Variants in PGAP4 observed in about 807,000 individuals in gnomAD.
PGAP4 encodes the protein post-GPI attachment to proteins GalNAc transferase 4.
Under a neutral mutation model 28.2 loss-of-function variants are expected in PGAP4, and 12 were observed. The observed-to-expected ratio is 0.42, with a 90% CI of 0.27 to 0.69. The LOEUF is 0.69. Ranked by LOEUF, PGAP4 falls within the 30% of genes least tolerant of loss-of-function variation. The probability of loss-of-function intolerance (pLI) is 0.22; values close to 1 mark genes in which losing one functional copy is unlikely to be tolerated. For missense variants in PGAP4, 425 were observed against 513.5 expected (o/e 0.83, Z 1.67); for synonymous variants, 205 against 211.8 (o/e 0.97, Z 0.28).
Position 101,476,479 on chromosome 9 carries a change from T to C in PGAP4, c.614A>G (p.Asp205Gly), listed in dbSNP as rs950407281. The C allele has an allele frequency of 6.2e-7, 1 of 1,614,108 alleles. No homozygotes were observed. The highest frequency in any genetic ancestry group is 8.5e-7 in the Non-Finnish European group (1 of 1,180,014). ...LESSLQTYNP[D>G]YVLMVEDDAV... Reference sequence around the variant, plus strand: ...ATCGTCTTCTACCATCAGGACGTAGTCTGGGTTGTAGGTCTGCAGGGATGA... The same window carrying C: ...ATCGTCTTCTACCATCAGGACGTAGCCTGGGTTGTAGGTCTGCAGGGATGA... Residue 205 changes from aspartate (D) to glycine (G), a missense_variant, in exon 2 of 2, where the codon GAC (aspartate) becomes GGC (glycine). Transcript: ENST00000374848. The surrounding 1 kb of genome is among the most constrained non-coding windows in gnomAD (Gnocchi z 7.0).
intron 2 of PGAP4, among the ~76,000 whole-genome samples, chr9:101,505,215 AT>A (rs199562186): frequency 0.042 from 6,236 of 149,730 alleles, 202 homozygotes; most frequent in East Asian, 0.1. Flanking sequence ...CAAAAGTGGC[AT>A]TTTTTTTTTA....
Position 101,474,258 on chromosome 9 carries a change from C to T in PGAP4, c.*1623G>A, listed in dbSNP as rs192404510. ...TCATCTGTAGAGCGTGGGTGATCAA[C>T]CTTTATGTAATCCTTCTGTGTTGAG... is the stretch of plus-strand genomic sequence containing the variant. On this transcript the variant is annotated 3_prime_UTR_variant, in exon 2 of 2. Transcript: ENST00000374848. 1.3e-5 allele frequency: 2 copies of T among 152,102 alleles called. No homozygotes were observed. Among genetic ancestry groups the T allele is most frequent in the Non-Finnish European group, 2.9e-5 (2 of 68,030 alleles). 9.4% of individuals were successfully genotyped at this position (152,102 alleles called of 1,614,324 possible).
At chr9:101,485,588 A>G (rs933678530) in intron 1 of PGAP4, among the ~76,000 whole-genome samples, 2 of 152,202 alleles carry the variant, frequency 1.3e-5, no homozygotes, top group Non-Finnish European at 2.9e-5. Context: ...ACAGAAATGC[A>G]AAAGGCTACT....
At chr9:101,518,855 T>G (rs1826962316) in intron 2 of PGAP4, among the ~76,000 whole-genome samples, 1 of 152,232 alleles carries the variant, frequency 6.6e-6, no homozygotes, top group African/African-American at 2.4e-5. Context: ...GATCAAATAG[T>G]AGTTCTACTT....
chr9:101,476,656 A>C lies in PGAP4; in HGVS notation c.437T>G (p.Val146Gly). The C allele has an allele frequency of 6.2e-7, 1 of 1,614,220 alleles. No individual in the cohort carries two copies. The highest frequency in any genetic ancestry group is 1.1e-5 in the South Asian group (1 of 91,088). The change falls in exon 2 of 2, where the codon GTG becomes GGG. Residue 146 changes from valine to glycine, a missense_variant. Transcript: ENST00000374848. The surrounding 1 kb of genome is among the most constrained non-coding windows in gnomAD (Gnocchi z 7.0). ...CEGHQLFLCN[V>G]ERSVSHFDAK... ...ATCAAAATGGCTCACACTACGCTCCACGTTGCACAGGAAGAGTTGGTGCCC... is the reference window on the plus strand; with the variant it reads ...ATCAAAATGGCTCACACTACGCTCCCCGTTGCACAGGAAGAGTTGGTGCCC...
At chr9:101,499,245 C>G (rs1251237349) in intron 2 of PGAP4, among the ~76,000 whole-genome samples, 4 of 151,928 alleles carry the variant, frequency 2.6e-5, no homozygotes, top group African/African-American at 9.7e-5. Flanking sequence ...AGGCTCAGCT[C>G]ATAAGGGCCA....
rs1340384308 is a variant in PGAP4 at position 101,478,828 on chromosome 9, T to G, written c.-77-1659A>C. On this transcript the variant is annotated intron_variant, in intron 1 of 1. Transcript: ENST00000374848. ...CCCACCTCCCAGTACCCTCCCAAAC[T>G]AGAGTGGACTGTGTTGTGAGCAATA... Among the ~76,000 whole-genome samples the G allele has an allele frequency of 1.3e-5, 2 of 152,308 alleles. 1 individual carries two copies. The highest frequency in any genetic ancestry group is 4.1e-4 in the South Asian group (2 of 4,830).
In PGAP4 at chr9:101,477,158, C is replaced by T; in HGVS notation, c.-66G>A. The stretch of plus-strand genomic sequence containing the variant: ...ATCCTGGAACTCAGGCCAGAGTCAT[C>T]AGAAATCAAACCTAAAGAGAGAGGA... On this transcript the variant is annotated 5_prime_UTR_variant, in exon 2 of 2. Coordinates refer to ENST00000374848, the MANE Select transcript of PGAP4 (RefSeq NM_032342.3). The T allele has an allele frequency of 2.7e-6, 4 of 1,483,978 alleles. No individual in the cohort carries two copies. The South Asian group carries it at 4.3e-5, about 16-fold the overall frequency. 91.9% of individuals were successfully genotyped at this position (1,483,978 alleles called of 1,614,324 possible).
intron 2 of PGAP4, among the ~76,000 whole-genome samples, chr9:101,507,339 G>C (rs1051411891): frequency 6.6e-6 from 1 of 152,088 alleles, no homozygotes; most frequent in Non-Finnish European, 1.5e-5. Flanking sequence ...ATCAGATACT[G>C]TTCACTATTT....
chr9:101,510,776 G>A (rs1826890561), intron 2 of PGAP4, among the ~76,000 whole-genome samples: 2 of 152,092 alleles, frequency 1.3e-5, no homozygotes, highest in African/African-American at 2.4e-5. Context: ...CAGCAGTGAT[G>A]AATAAAATAA....
upstream of PGAP4, among the ~76,000 whole-genome samples, chr9:101,487,589 G>GT (rs1826645130): frequency 6.6e-6 from 1 of 152,198 alleles, no homozygotes; most frequent in Non-Finnish European, 1.5e-5. Flanking sequence ...CAAAAGAAAA[G>GT]TAACAGCCTC....
chr9:101,513,216 C>T (rs147149317), intron 2 of PGAP4, among the ~76,000 whole-genome samples: 152 of 152,112 alleles, frequency 1.0e-3, no homozygotes, highest in African/African-American at 2.9e-3. Flanking sequence ...CTTCATTGTC[C>T]GCAATGAAGT....
intron 2 of PGAP4, among the ~76,000 whole-genome samples, chr9:101,496,296 T>C (rs1826746984): frequency 6.6e-6 from 1 of 151,402 alleles, no homozygotes; most frequent in Non-Finnish European, 1.5e-5. Flanking sequence ...TAAATCTTTT[T>C]TTAAGGGGAG....
intron 2 of PGAP4, among the ~76,000 whole-genome samples, chr9:101,510,159 A>G (rs1397406549): frequency 6.6e-6 from 1 of 152,130 alleles, no homozygotes; most frequent in Non-Finnish European, 1.5e-5. Context: ...CAATTCATCT[A>G]GTTATGGTGC....
intron 2 of PGAP4, among the ~76,000 whole-genome samples, chr9:101,527,766 G>T (rs1460881402): frequency 6.6e-6 from 1 of 152,158 alleles, no homozygotes; most frequent in Admixed American, 6.5e-5. Context: ...CAAGGCTACA[G>T]AGCCAAATAA....
chr9:101,489,919 A>G (rs944123833), upstream of PGAP4, among the ~76,000 whole-genome samples: 3 of 152,218 alleles, frequency 2.0e-5, no homozygotes, highest in African/African-American at 7.2e-5. Context: ...GAATTTGAAC[A>G]TATACCTGAG....
intron 1 of PGAP4, among the ~76,000 whole-genome samples, chr9:101,481,198 A>C (rs1344073919): frequency 6.6e-6 from 1 of 152,204 alleles, no homozygotes; most frequent in Non-Finnish European, 1.5e-5. Context: ...AAACAAACAC[A>C]CAAACAAAAA....
At chr9:101,496,502 T>G (rs1163900143) in intron 2 of PGAP4, among the ~76,000 whole-genome samples, 1 of 151,528 alleles carries the variant, frequency 6.6e-6, no homozygotes, top group Non-Finnish European at 1.5e-5. Context: ...GACCATAATT[T>G]TTAGTTTTGT....
intron 2 of PGAP4, among the ~76,000 whole-genome samples, chr9:101,521,715 G>A (rs1211048626): frequency 6.6e-6 from 1 of 151,806 alleles, no homozygotes; most frequent in Non-Finnish European, 1.5e-5. Flanking sequence ...ATTTCATTTA[G>A]TTCTACTCTG....
Sources: gnomAD v4.1 joint callset for allele counts (sites outside exome capture counted in the v4.1 genomes callset) on GRCh38, gnomAD v4.1.1 for gene constraint, Gnocchi (gnomAD v3.1) non-coding constraint, MANE v1.5 for transcripts, NCBI Gene and HGNC (gene_info 2026-07-23, HGNC 2026-07-21) for gene names.